PDZD2: variants seen among roughly 807,000 people sequenced by gnomAD.
PDZD2 encodes PDZ domain containing 2.
A neutral mutation model predicts 220.7 loss-of-function variants in PDZD2; 90 were observed. That is an observed-to-expected ratio of 0.41 (90% confidence interval 0.34 to 0.49). The LOEUF (loss-of-function observed/expected upper bound fraction) is 0.49. Ranked by LOEUF, PDZD2 falls within the 20% of genes least tolerant of loss-of-function variation. The pLI is 0.28. For synonymous variants in PDZD2, 1,375 were observed against 1,450.5 expected (o/e 0.95, Z 1.18); for missense variants, 3,174 against 3,608.5 (o/e 0.88, Z 3.08).
intron 1 of PDZD2, among the ~76,000 whole-genome samples, chr5:31,692,325 C>A (rs35401946): frequency 6.6e-6 from 1 of 152,228 alleles, no homozygotes; most frequent in East Asian, 1.9e-4. Context: ...GGCGCGGCCC[C>A]GGTTCCCGCC....
chr5:32,059,771 G>C (rs1193430514), intron 13 of PDZD2, among the ~76,000 whole-genome samples: 2 of 152,194 alleles, frequency 1.3e-5, no homozygotes, highest in African/African-American at 4.8e-5. Flanking sequence ...TTGTGCCCTT[G>C]AATAGGAGGC....
chr5:32,058,182 G>GAA (rs1253300944), intron 12 of PDZD2, 79 bp downstream of exon 12: 1 of 761,948 alleles, frequency 1.3e-6, no homozygotes, highest in African/African-American at 1.7e-5. Flanking sequence ...ATTCTTCCTT[G>GAA]TTGTTCTATG....
intron 2 of PDZD2, among the ~76,000 whole-genome samples, chr5:31,957,815 C>T (rs563223467): frequency 3.7e-4 from 57 of 152,196 alleles, no homozygotes; most frequent in African/African-American, 1.2e-3. Context: ...TGGAGTCATC[C>T]GATCAAAATA....
chr5:32,089,299 C>T lies in PDZD2; in HGVS notation c.5851C>T (p.Pro1951Ser), dbSNP rs765993475. The T allele has an allele frequency of 6.2e-7, 1 of 1,614,100 alleles. No individual in the cohort carries two copies. The highest frequency in any genetic ancestry group is 8.5e-7 in the Non-Finnish European group (1 of 1,180,006). ...EDPDRNTTAA[P>S]RSPQCVLESK... is the part of the protein sequence containing the mutation. ...CCCTGACAGAAACACCACAGCTGCC[C>T]CCAGGTCCCCCCAGTGTGTGCTGGA... Residue 1951 changes from proline (P) to serine (S), a missense_variant, in exon 20 of 25, where the codon CCC becomes TCC. By Grantham distance (74) the Pro-to-Ser change is moderately conservative. Around this residue, in one of 4 missense-constraint regions of PDZD2, gnomAD observed 1,861 missense variants for 2,001.0 expected, o/e 0.93. Transcript: ENST00000438447.
chr5:31,804,644 G>A (rs13169044), intron 2 of PDZD2, among the ~76,000 whole-genome samples: 18,405 of 151,756 alleles, frequency 0.12, 1,418 homozygotes, highest in Middle Eastern at 0.19. Flanking sequence ...CCACTGCATT[G>A]TACGACCTCA....
intron 3 of PDZD2, among the ~76,000 whole-genome samples, chr5:31,985,410 A>C (rs1185945172): frequency 1.3e-5 from 2 of 152,214 alleles, no homozygotes; most frequent in African/African-American, 2.4e-5. Context: ...TTTTAAAACA[A>C]AGGGCCAGGT....
chr5:31,822,668 A>G, intron 2 of PDZD2: 1 of 1,325,304 alleles, frequency 7.5e-7, no homozygotes, highest in Non-Finnish European at 1.0e-6. Flanking sequence ...AAAGCCACTG[A>G]ATTTGAAACA....
chr5:31,819,436 C>T (rs1755676426), intron 2 of PDZD2, among the ~76,000 whole-genome samples: 1 of 152,166 alleles, frequency 6.6e-6, no homozygotes, highest in African/African-American at 2.4e-5. Flanking sequence ...GTGGGTGGAT[C>T]ACCTGAGGTC....
chr5:32,105,442 A>G (rs1429840534), intron 24 of PDZD2, among the ~76,000 whole-genome samples: 1 of 152,244 alleles, frequency 6.6e-6, no homozygotes, highest in Non-Finnish European at 1.5e-5. Flanking sequence ...GCAAGTATCT[A>G]CTGGTTAATC....
At chr5:31,720,865 G>A (rs1748745690) in intron 1 of PDZD2, among the ~76,000 whole-genome samples, 1 of 152,156 alleles carries the variant, frequency 6.6e-6, no homozygotes, top group Non-Finnish European at 1.5e-5. Context: ...TTGGGGAGAA[G>A]GTGGGAGTTA....
At chr5:32,048,186 C>A (rs1268247880) in intron 7 of PDZD2, among the ~76,000 whole-genome samples, 1 of 152,198 alleles carries the variant, frequency 6.6e-6, no homozygotes, top group Non-Finnish European at 1.5e-5. Flanking sequence ...ATACCAATCA[C>A]AAAATGATAT....
At chr5:31,689,580 A>C (rs1239884725) in intron 1 of PDZD2, among the ~76,000 whole-genome samples, 2 of 151,564 alleles carry the variant, frequency 1.3e-5, no homozygotes, top group Non-Finnish European at 2.9e-5. Context: ...ATAAGTTAAG[A>C]ATATTGGTGT....
At chr5:31,712,915 G>C (rs1748212285) in intron 1 of PDZD2, among the ~76,000 whole-genome samples, 1 of 152,186 alleles carries the variant, frequency 6.6e-6, no homozygotes, top group Admixed American at 6.5e-5. Context: ...CAAAACTCCT[G>C]ACTGCAGGAG....
intron 1 of PDZD2, among the ~76,000 whole-genome samples, chr5:31,643,925 C>T (rs1316426784): frequency 2.0e-5 from 3 of 151,892 alleles, no homozygotes; most frequent in Non-Finnish European, 2.9e-5. Flanking sequence ...CTCCAGTGAT[C>T]CTTCCACCTC....
chr5:31,883,903 A>G (rs1307790795), intron 2 of PDZD2, among the ~76,000 whole-genome samples: 1 of 152,022 alleles, frequency 6.6e-6, no homozygotes, highest in Non-Finnish European at 1.5e-5. Context: ...GCCTGGCCCT[A>G]TTCTCTATAA....
intron 1 of PDZD2, among the ~76,000 whole-genome samples, chr5:31,724,087 T>G (rs1454931573): frequency 6.6e-6 from 1 of 152,202 alleles, no homozygotes; most frequent in African/African-American, 2.4e-5. Context: ...ACAATTTACT[T>G]GCTTCTAACA....
intron 24 of PDZD2, 80 bp from the exon 25 acceptor site, chr5:32,107,889 T>TAA: frequency 2.3e-6 from 2 of 863,824 alleles, no homozygotes; most frequent in Non-Finnish European, 3.6e-6. Context: ...TTTTATCACT[T>TAA]AAAAGTTTTT....
At chr5:31,705,874 A>T (rs1408708910) in intron 1 of PDZD2, among the ~76,000 whole-genome samples, 1 of 152,220 alleles carries the variant, frequency 6.6e-6, no homozygotes, top group East Asian at 1.9e-4. Flanking sequence ...ACATGGCGAA[A>T]CCCTATCTCT....
At chr5:31,756,562 A>G (rs1340662555) in intron 1 of PDZD2, among the ~76,000 whole-genome samples, 1 of 152,186 alleles carries the variant, frequency 6.6e-6, no homozygotes, top group African/African-American at 2.4e-5. Context: ...TGCTTGGTGG[A>G]TACCAGACCT....
Sources: gnomAD v4.1 joint callset for allele counts (sites outside exome capture counted in the v4.1 genomes callset) on GRCh38, gnomAD v4.1.1 for gene constraint, gnomAD v4.1.1 regional missense constraint, MANE v1.5 for transcripts, NCBI Gene and HGNC (gene_info 2026-07-23, HGNC 2026-07-21) for gene names.